Variants in APCDD1L observed in about 807,000 individuals in gnomAD.
APCDD1L encodes the protein protein APCDD1-like.
In APCDD1L, 21 loss-of-function variants were observed where a neutral mutation model predicts 24.2. The observed-to-expected ratio is 0.87, with a 90% CI of 0.61 to 1.25. APCDD1L has a LOEUF of 1.25. Among genes scored for constraint, APCDD1L ranks in the 50% most tolerant of loss-of-function variants. The pLI is 0.00. For missense variants in APCDD1L, 704 were observed against 711.7 expected, an observed-to-expected ratio of 0.99 and a Z score of 0.12; for synonymous variants, 321 against 323.6, an observed-to-expected ratio of 0.99 and a Z score of 0.09.
chr20:58,498,289 G>A (rs996719718), intron 1 of APCDD1L, among the ~76,000 whole-genome samples: 8 of 152,130 alleles, frequency 5.3e-5, no homozygotes, highest in Non-Finnish European at 7.3e-5. Context: ...AAATTTGTTC[G>A]GAAGGGCAGC....
In APCDD1L at chr20:58,467,367, CCGCGCGCAGTCCCGGCCGG is replaced by C. The variant is rs1411094995; in HGVS notation, c.461_479del (p.Ala154GlyfsTer201). ...GCCAGGCCCGGGCCGGAGGCAGCCG[CCGCGCGCAGTCCCGGCCGG>C]CGCGGGTCTGGTTGAGGCGCCCGGT... On this transcript the variant is annotated frameshift_variant, in exon 3 of 4. Transcript: ENST00000371149. LOFTEE classifies it high-confidence loss of function. This position sits in a 1 kb window ranked among gnomAD's most constrained non-coding sequence, Gnocchi z 5.9. 37 of 1,476,956 alleles carry C rather than the reference CCGCGCGCAGTCCCGGCCGG, an allele frequency of 2.5e-5. No individual in the cohort carries two copies. The highest frequency in any genetic ancestry group is 2.9e-5 in the Non-Finnish European group (33 of 1,122,358). The allele number at this position is 1,476,956 out of a possible 1,614,324, so 91.5% of individuals were successfully genotyped here.
At chr20:58,511,880 T>G (rs1223409821) in intron 1 of APCDD1L, among the ~76,000 whole-genome samples, 1 of 151,166 alleles carries the variant, frequency 6.6e-6, no homozygotes, top group Non-Finnish European at 1.5e-5. Context: ...TAGCGAGAGA[T>G]AAAAGCAGAG....
At chr20:58,495,829 C>A (rs4812008) in intron 1 of APCDD1L, among the ~76,000 whole-genome samples, 105,906 of 151,854 alleles carry the variant, frequency 0.7, 37,334 homozygotes, top group Admixed American at 0.77. Flanking sequence ...GGCTGGGGTC[C>A]CCACATGCCC....
At chr20:58,480,432 C>T (rs553333779) in intron 1 of APCDD1L, among the ~76,000 whole-genome samples, 1 of 152,152 alleles carries the variant, frequency 6.6e-6, no homozygotes, top group Non-Finnish European at 1.5e-5. Context: ...TAGCTACTGG[C>T]CCCCCAGTTC....
At chr20:58,481,068 A>C (rs1053714754) in intron 1 of APCDD1L, among the ~76,000 whole-genome samples, 2 of 152,178 alleles carry the variant, frequency 1.3e-5, no homozygotes, top group Admixed American at 6.5e-5. Context: ...CCAACATCCC[A>C]CCTGGTGCTT....
At chr20:58,511,437 G>C (rs187953435) in intron 1 of APCDD1L, among the ~76,000 whole-genome samples, 1 of 152,346 alleles carries the variant, frequency 6.6e-6, no homozygotes, top group African/African-American at 2.4e-5. Context: ...CATTAGCATA[G>C]TTAACTTCCA....
rs1254586096 is a variant in APCDD1L, at chr20:58,467,697, A to T, written c.189-39T>A. Reference sequence around the variant, plus strand: ...AGGAGATGGGCTGGGTGCAGAGGGAACACCGCGCCGCGAGCCCCTCTCCCC... The same window carrying T: ...AGGAGATGGGCTGGGTGCAGAGGGATCACCGCGCCGCGAGCCCCTCTCCCC... On this transcript the variant is annotated intron_variant, in intron 2 of 3. Transcript: ENST00000371149. The surrounding 1 kb of genome is among the most constrained non-coding windows in gnomAD (Gnocchi z 5.9). 9.9e-6 allele frequency: 14 copies of T among 1,420,584 alleles called. No homozygotes were observed. Among genetic ancestry groups the T allele is most frequent in the Non-Finnish European group, 1.3e-5 (14 of 1,086,060 alleles). 88.0% of individuals were successfully genotyped at this position (1,420,584 alleles called of 1,614,324 possible). A position where few individuals can be genotyped will look rare whatever the true frequency, so the allele number is the denominator to read the frequency against.
At position 58,494,531 on chromosome 20, in the gene APCDD1L, G is replaced by A. The variant is rs1284708055; in HGVS notation, c.49+20128C>T. Among the ~76,000 whole-genome samples, 2 of 151,840 alleles carry A rather than the reference G, an allele frequency of 1.3e-5. No homozygotes were observed. The highest frequency in any genetic ancestry group is 4.8e-5 in the African/African-American group (2 of 41,324). ...TTAATTTTTTTTTTGGTAGAGATGG[G>A]GTCTGGCTATGTTGCCCAATCTGGT... is the stretch of plus-strand genomic sequence containing the variant. On this transcript the variant is annotated intron_variant, in intron 1 of 3. Coordinates refer to ENST00000371149, the MANE Select transcript of APCDD1L (RefSeq NM_153360.3). This position sits in a 1 kb window ranked among gnomAD's most constrained non-coding sequence, Gnocchi z 4.8.
chr20:58,470,088 C>T (rs547066202), intron 2 of APCDD1L, among the ~76,000 whole-genome samples: 74 of 152,330 alleles, frequency 4.9e-4, no homozygotes, highest in African/African-American at 1.7e-3. Context: ...TGCCACTTCC[C>T]GCCCCAGGGC....
Position 58,497,056 on chromosome 20 carries a change from G to A in APCDD1L, c.49+17603C>T, listed in dbSNP as rs779011505. Among the ~76,000 whole-genome samples the A allele has an allele frequency of 5.9e-5, 9 of 152,174 alleles. No individual in the cohort carries two copies. The highest frequency in any genetic ancestry group is 1.3e-4 in the Non-Finnish European group (9 of 68,036). On this transcript the variant is annotated intron_variant, in intron 1 of 3. Coordinates refer to ENST00000371149, the MANE Select transcript of APCDD1L (RefSeq NM_153360.3). This position sits in a 1 kb window ranked among gnomAD's most constrained non-coding sequence, Gnocchi z 4.3. ...TTGCAGACACCGGCCAGTGACAGGG[G>A]CCCTTTGAGGAGTGAGGCCATGCAG...
intron 1 of APCDD1L, among the ~76,000 whole-genome samples, chr20:58,480,967 G>A (rs1319356941): frequency 2.6e-5 from 4 of 152,196 alleles, no homozygotes; most frequent in South Asian, 2.1e-4. Flanking sequence ...ACAAGGCCTC[G>A]TTAACTTGAC....
intron 1 of APCDD1L, among the ~76,000 whole-genome samples, chr20:58,498,981 A>G (rs1462819074): frequency 1.3e-5 from 2 of 152,070 alleles, no homozygotes; most frequent in Non-Finnish European, 2.9e-5. Flanking sequence ...TTAACTTCTC[A>G]TTTCATTCCA....
At position 58,461,739 on chromosome 20, in the gene APCDD1L, C is replaced by T; in HGVS notation, c.742-185G>A. 1 of 538,892 alleles carries T rather than the reference C, an allele frequency of 1.9e-6. No individual in the cohort carries two copies. The highest frequency in any genetic ancestry group is 2.9e-6 in the Non-Finnish European group (1 of 350,032). 33.4% of individuals were successfully genotyped at this position (538,892 alleles called of 1,614,324 possible). A position where few individuals can be genotyped will look rare whatever the true frequency, so the allele number is the denominator to read the frequency against. ...ACCTCCTTGCTTCAGCCAGGATGGCCTCCTTGATGGAGGTCAGCCCCTGTA... is the reference window on the plus strand; with the variant it reads ...ACCTCCTTGCTTCAGCCAGGATGGCTTCCTTGATGGAGGTCAGCCCCTGTA... On this transcript the variant is annotated intron_variant, in intron 3 of 3. Coordinates refer to ENST00000371149, the MANE Select transcript of APCDD1L (RefSeq NM_153360.3). This position sits in a 1 kb window ranked among gnomAD's most constrained non-coding sequence, Gnocchi z 6.0.
chr20:58,461,257 C>A lies in APCDD1L; in HGVS notation c.1039G>T (p.Gly347Cys). Residue 347 changes from glycine to cysteine, a missense_variant, in exon 4 of 4, where the codon GGC becomes TGC. Physicochemically the swap from Gly to Cys is radical, Grantham distance 159. Transcript: ENST00000371149. This position sits in a 1 kb window ranked among gnomAD's most constrained non-coding sequence, Gnocchi z 6.0. ...ACCTCAAACACCAGCTCGGTGCCGC[C>A]GCGGACCCTGGTGGATGGCGTGCCC... is the stretch of plus-strand genomic sequence containing the variant. The part of the protein sequence containing the change: ...TRGTPSTRVR[G>C]GTELVFEVTR... The A allele has an allele frequency of 6.2e-7, 1 of 1,613,460 alleles. No homozygotes were observed. The highest frequency in any genetic ancestry group is 8.5e-7 in the Non-Finnish European group (1 of 1,179,784).
intron 2 of APCDD1L, among the ~76,000 whole-genome samples, chr20:58,468,244 G>A (rs1779500990): frequency 6.6e-6 from 1 of 152,218 alleles, no homozygotes; most frequent in Admixed American, 6.5e-5. Context: ...CCATTGTAGA[G>A]CTAATGCAGC....
rs1481335130 is a variant in APCDD1L, at chr20:58,475,877, G to A, written c.50-5130C>T. On this transcript the variant is annotated intron_variant, in intron 1 of 3. Transcript: ENST00000371149. ...TCCCATGGCCTTCATCCCTACTTGT[G>A]TGTTTCCTCTGTCTGCACCTGTGTC... Among the ~76,000 whole-genome samples the A allele has an allele frequency of 2.0e-5, 3 of 152,118 alleles. No homozygotes were observed. The East Asian group carries it at 5.8e-4, about 29-fold the overall frequency.
Position 58,460,593 on chromosome 20 carries a change from G to A in APCDD1L, c.*197C>T. ...TGCTTGACTGGGGACCCGGGCTGTG[G>A]GATGTGGTATAGGCTTTGCAGGGGT... On this transcript the variant is annotated 3_prime_UTR_variant, in exon 4 of 4. Transcript: ENST00000371149. The surrounding 1 kb of genome is among the most constrained non-coding windows in gnomAD (Gnocchi z 4.2). The A allele has an allele frequency of 1.8e-6, 1 of 546,896 alleles. No individual in the cohort carries two copies. The highest frequency in any genetic ancestry group is 2.8e-6 in the Non-Finnish European group (1 of 351,478). 33.9% of individuals were successfully genotyped at this position (546,896 alleles called of 1,614,324 possible).
chr20:58,489,769 C>T (rs1990190955), intron 1 of APCDD1L, among the ~76,000 whole-genome samples: 1 of 152,042 alleles, frequency 6.6e-6, no homozygotes, highest in African/African-American at 2.4e-5. Flanking sequence ...CAATCTCCAA[C>T]TCACTCTGTG....
At chr20:58,493,107 G>A (rs1321015939) in intron 1 of APCDD1L, among the ~76,000 whole-genome samples, 1 of 152,004 alleles carries the variant, frequency 6.6e-6, no homozygotes, top group Non-Finnish European at 1.5e-5. Flanking sequence ...CACACACAAT[G>A]CAAGCATGCA....
Sources: allele counts gnomAD v4.1 joint callset (sites outside exome capture counted in the v4.1 genomes callset), GRCh38; gene constraint gnomAD v4.1.1; non-coding constraint Gnocchi (gnomAD v3.1); transcripts MANE v1.5; gene names NCBI Gene and HGNC (gene_info 2026-07-23, HGNC 2026-07-21).